Variants in SDCCAG8 observed in about 807,000 individuals in gnomAD.
The protein encoded by SDCCAG8 is serologically defined colon cancer antigen 8.
A neutral mutation model predicts 101.8 loss-of-function variants in SDCCAG8; 74 were observed. That is an observed-to-expected ratio of 0.73 (90% CI 0.60 to 0.88). The LOEUF (loss-of-function observed/expected upper bound fraction) is 0.88, where lower values mean the gene tolerates loss of function less well. SDCCAG8 is among the 40% of genes least tolerant of loss of function. SDCCAG8 has a pLI of 0.00. For missense variants in SDCCAG8, 787 were observed against 822.6 expected, an observed-to-expected ratio of 0.96 and a Z score of 0.53; for synonymous variants, 281 against 292.9, an observed-to-expected ratio of 0.96 and a Z score of 0.41.
intron 13 of SDCCAG8, among the ~76,000 whole-genome samples, chr1:243,403,269 G>T (rs2079527327): frequency 6.6e-6 from 1 of 152,164 alleles, no homozygotes; most frequent in Admixed American, 6.5e-5. Flanking sequence ...CCCTGTGTGT[G>T]CAACGCTGGC....
chr1:243,372,312 C>A (rs1274950961), intron 12 of SDCCAG8, among the ~76,000 whole-genome samples: 1 of 151,994 alleles, frequency 6.6e-6, no homozygotes, highest in African/African-American at 2.4e-5. Flanking sequence ...TTTCTTCTCC[C>A]CATTCTCATC....
intron 8 of SDCCAG8, among the ~76,000 whole-genome samples, chr1:243,313,877 A>C (rs2072996329): frequency 6.6e-6 from 1 of 152,146 alleles, no homozygotes. Context: ...CAGATTATAT[A>C]AGTAGCACTG....
At chr1:243,333,167 C>T (rs1179592316) in intron 10 of SDCCAG8, among the ~76,000 whole-genome samples, 1 of 152,182 alleles carries the variant, frequency 6.6e-6, no homozygotes, top group Non-Finnish European at 1.5e-5. Context: ...CTAATCCCTT[C>T]CCCTTCCCAT....
chr1:243,369,942 C>G (rs2077193635), intron 12 of SDCCAG8, among the ~76,000 whole-genome samples: 1 of 151,990 alleles, frequency 6.6e-6, no homozygotes, highest in Non-Finnish European at 1.5e-5. Flanking sequence ...TCTTTTTACT[C>G]ACAATTTCGG....
At chr1:243,303,424 T>C (rs573954952) in intron 6 of SDCCAG8, among the ~76,000 whole-genome samples, 2 of 152,228 alleles carry the variant, frequency 1.3e-5, no homozygotes, top group African/African-American at 2.4e-5. Context: ...TAAAGTTAAC[T>C]AAGTTTGCCT....
chr1:243,484,471 T>C (rs965835956), intron 16 of SDCCAG8, among the ~76,000 whole-genome samples: 2 of 152,268 alleles, frequency 1.3e-5, no homozygotes, highest in African/African-American at 4.8e-5. Context: ...AATTAGTTCC[T>C]GCCTCATGGA....
At position 243,397,409 on chromosome 1, in the gene SDCCAG8, T is replaced by G. The variant is rs866047195; in HGVS notation, c.1617-18293T>G. Among the ~76,000 whole-genome samples, 27 of 152,334 alleles carry G rather than the reference T, an allele frequency of 1.8e-4. No individual in the cohort carries two copies. In the Middle Eastern group the frequency reaches 0.01, roughly 58 times the overall value. ...AAATCCATCCATTAATTTAATTTTTTCCAGCCAGAAGCTCCATTATGATAA... is the reference window on the plus strand; with the variant it reads ...AAATCCATCCATTAATTTAATTTTTGCCAGCCAGAAGCTCCATTATGATAA... On this transcript the variant is annotated intron_variant, in intron 13 of 17. Transcript: ENST00000366541.
intron 12 of SDCCAG8, among the ~76,000 whole-genome samples, chr1:243,374,085 G>A (rs904393630): frequency 5.3e-5 from 8 of 151,896 alleles, no homozygotes; most frequent in Non-Finnish European, 1.0e-4. Flanking sequence ...AAAAGTGTCC[G>A]TAAAAACAAG....
intron 4 of SDCCAG8, among the ~76,000 whole-genome samples, chr1:243,276,188 A>G (rs2068557419): frequency 1.3e-5 from 2 of 152,186 alleles, no homozygotes; most frequent in Admixed American, 1.3e-4. Flanking sequence ...GAATAGGATC[A>G]TTTAGATCAG....
intron 13 of SDCCAG8, among the ~76,000 whole-genome samples, chr1:243,404,270 G>A (rs1181144320): frequency 2.0e-5 from 3 of 152,278 alleles, no homozygotes; most frequent in South Asian, 2.1e-4. Context: ...AGATTTAGAA[G>A]GCTGGAAGCA....
At chr1:243,424,344 AT>A (rs768089605) in intron 15 of SDCCAG8, among the ~76,000 whole-genome samples, 1 of 151,928 alleles carries the variant, frequency 6.6e-6, no homozygotes, top group Admixed American at 6.6e-5. Flanking sequence ...TTTTATTATG[AT>A]TTTTTTCAAA....
intron 13 of SDCCAG8, among the ~76,000 whole-genome samples, chr1:243,409,765 A>G (rs1238315162): frequency 1.3e-5 from 2 of 152,232 alleles, no homozygotes; most frequent in Non-Finnish European, 2.9e-5. Flanking sequence ...ATATGAATCC[A>G]TGACTCCATG....
Position 243,360,993 on chromosome 1 carries a change from G to A in SDCCAG8, c.1473+16662G>A, listed in dbSNP as rs190335360. On this transcript the variant is annotated intron_variant, in intron 12 of 17. Coordinates refer to ENST00000366541, the MANE Select transcript of SDCCAG8 (RefSeq NM_006642.5). The stretch of plus-strand genomic sequence containing the variant: ...GACCTACAACTGGGCAGTGAATATA[G>A]ACATTTGCATTTACCTGTCTGGAAC... Among the ~76,000 whole-genome samples the A allele has an allele frequency of 1.4e-3, 218 of 152,262 alleles. 1 individual carries two copies. Among genetic ancestry groups the A allele is most frequent in the Non-Finnish European group, 2.2e-3 (147 of 68,014 alleles).
At chr1:243,351,909 C>T (rs1402880944) in intron 12 of SDCCAG8, among the ~76,000 whole-genome samples, 1 of 152,178 alleles carries the variant, frequency 6.6e-6, no homozygotes, top group Non-Finnish European at 1.5e-5. Flanking sequence ...CATAAAGAAG[C>T]AGTTCCAAAT....
At position 243,434,476 on chromosome 1, in the gene SDCCAG8, G is replaced by T. The variant is rs563534874; in HGVS notation, c.1985+7918G>T. On this transcript the variant is annotated intron_variant, in intron 16 of 17. Transcript: ENST00000366541. ...AAGAGATGTATATGTTGCTAGAAAA[G>T]AATCTTATTACATCTTGTTTTGAAA... 2.0e-5 allele frequency among the ~76,000 whole-genome samples: 3 copies of T among 152,288 alleles called. No homozygotes were observed. In the East Asian group the frequency reaches 5.8e-4, roughly 29 times the overall value.
intron 9 of SDCCAG8, among the ~76,000 whole-genome samples, chr1:243,322,343 A>G (rs2073824223): frequency 6.6e-6 from 1 of 152,218 alleles, no homozygotes. Flanking sequence ...GGGTGGTGGT[A>G]ATCACAATGA....
chr1:243,496,152 A>T (rs1414431980), intron 17 of SDCCAG8, among the ~76,000 whole-genome samples: 2 of 152,236 alleles, frequency 1.3e-5, no homozygotes, highest in Non-Finnish European at 2.9e-5. Context: ...TTTTGTACAG[A>T]TAGAAAAATA....
At chr1:243,350,398 A>G (rs1325513547) in intron 12 of SDCCAG8, among the ~76,000 whole-genome samples, 1 of 151,908 alleles carries the variant, frequency 6.6e-6, no homozygotes, top group Non-Finnish European at 1.5e-5. Context: ...GTTGTTTTTT[A>G]GTAGGGACAG....
chr1:243,345,608 G>A (rs991129119), intron 12 of SDCCAG8, among the ~76,000 whole-genome samples: 1 of 151,950 alleles, frequency 6.6e-6, no homozygotes, highest in African/African-American at 2.4e-5. Context: ...GCATACTTTT[G>A]GCCTTTCGTA....
Sources: gnomAD v4.1 joint callset for allele counts (sites outside exome capture counted in the v4.1 genomes callset) on GRCh38, gnomAD v4.1.1 for gene constraint, MANE v1.5 for transcripts, NCBI Gene and HGNC (gene_info 2026-07-23, HGNC 2026-07-21) for gene names.